The following ACOXL variants were observed in gnomAD, a reference collection of about 807,000 sequenced individuals.
The protein encoded by ACOXL is acyl-CoA oxidase like, also known as acyl-coenzyme A oxidase-like protein.
ACOXL carries 70 observed loss-of-function variants against 71.9 expected under a neutral mutation model. That is an observed-to-expected ratio of 0.97 (90% CI 0.80 to 1.19). The LOEUF (loss-of-function observed/expected upper bound fraction) is 1.19, where lower values mean the gene tolerates loss of function less well. Ranked by LOEUF, ACOXL falls within the 50% of genes most tolerant of loss-of-function variation. The pLI, the probability that ACOXL is intolerant of heterozygous loss-of-function variation, is 0.00. For synonymous variants in ACOXL, 253 were observed against 281.6 expected, an observed-to-expected ratio of 0.90 and a Z score of 1.02; for missense variants, 703 against 736.3, an observed-to-expected ratio of 0.95 and a Z score of 0.52.
chr2:111,098,372 C>T (rs1182871956), intron 17 of ACOXL: 1 of 152,180 alleles, frequency 6.6e-6, no homozygotes, highest in Non-Finnish European at 1.5e-5. Context: ...TGAATTTGTA[C>T]TGGGCCACAT....
At chr2:111,056,531 G>A (rs1486822245) in intron 16 of ACOXL, among the ~76,000 whole-genome samples, 1 of 152,042 alleles carries the variant, frequency 6.6e-6, no homozygotes, top group Non-Finnish European at 1.5e-5. Context: ...GCTCACGCCT[G>A]TAATCCCAGC....
chr2:111,075,289 G>A (rs1263882320), intron 16 of ACOXL, among the ~76,000 whole-genome samples: 1 of 151,994 alleles, frequency 6.6e-6, no homozygotes, highest in Non-Finnish European at 1.5e-5. Flanking sequence ...GATGATTCTT[G>A]TTATGTATTT....
intron 5 of ACOXL, 45 bp downstream of exon 5, chr2:110,794,219 C>G: frequency 6.4e-7 from 1 of 1,569,220 alleles, no homozygotes; most frequent in Non-Finnish European, 8.8e-7. Flanking sequence ...AGCTGGAAAC[C>G]TGGACAGAAA....
At chr2:110,963,225 G>A (rs1484134498) in intron 12 of ACOXL, among the ~76,000 whole-genome samples, 1 of 152,010 alleles carries the variant, frequency 6.6e-6, no homozygotes, top group Non-Finnish European at 1.5e-5. Flanking sequence ...ATTTTCAGAA[G>A]GGTTGCTGGG....
Position 110,782,870 on chromosome 2 carries a change from G to T in ACOXL, c.76-1862G>T, listed in dbSNP as rs146829145. ...GCATCAAGGAAGGGTTTGTTGTGAT[G>T]ATTCCAGAGAGGGTGACTCTCAGGA... On this transcript the variant is annotated intron_variant, in intron 2 of 17. Coordinates refer to ENST00000439055, the MANE Select transcript of ACOXL (RefSeq NM_001142807.4). Among the ~76,000 whole-genome samples, 10 of 152,302 alleles carry T rather than the reference G, an allele frequency of 6.6e-5. No individual in the cohort carries two copies. In the East Asian group the frequency reaches 1.9e-3, roughly 29 times the overall value.
rs1261194401 is a variant in ACOXL, at chr2:111,117,851, G to C, written c.*35G>C. Reference sequence around the variant, plus strand: ...CGGGAAGTGTGGTGGCCCGCCAGCAGCTGCCACGACGCTCGCTCCACCGAC... The same window carrying C: ...CGGGAAGTGTGGTGGCCCGCCAGCACCTGCCACGACGCTCGCTCCACCGAC... On this transcript the variant is annotated 3_prime_UTR_variant, in exon 18 of 18. Transcript: ENST00000439055. The C allele has an allele frequency of 2.6e-6, 4 of 1,531,894 alleles. No homozygotes were observed. The highest frequency in any genetic ancestry group is 3.5e-6 in the Non-Finnish European group (4 of 1,140,148). The allele number at this position is 1,531,894 out of a possible 1,614,324, so 94.9% of individuals were successfully genotyped here. A position where few individuals can be genotyped will look rare whatever the true frequency, so the allele number is the denominator to read the frequency against.
At chr2:110,995,340 A>C (rs1044555339) in intron 13 of ACOXL, among the ~76,000 whole-genome samples, 12 of 151,290 alleles carry the variant, frequency 7.9e-5, no homozygotes, top group African/African-American at 2.2e-4. Context: ...TCTCTACTAA[A>C]AATACAAAAA....
chr2:111,013,239 TG>T (rs1179619684), intron 14 of ACOXL, among the ~76,000 whole-genome samples: 2 of 151,592 alleles, frequency 1.3e-5, no homozygotes, highest in Non-Finnish European at 2.9e-5. Context: ...ACAAAAAAAA[TG>T]GGGGCCAGGT....
chr2:110,799,543 C>T (rs982363295), intron 7 of ACOXL, among the ~76,000 whole-genome samples: 2 of 152,104 alleles, frequency 1.3e-5, no homozygotes, highest in Non-Finnish European at 2.9e-5. Flanking sequence ...AACTGTGGGG[C>T]TTAAACAACA....
At chr2:111,108,817 T>C (rs529462186) in intron 17 of ACOXL, among the ~76,000 whole-genome samples, 1 of 152,246 alleles carries the variant, frequency 6.6e-6, no homozygotes, top group African/African-American at 2.4e-5. Context: ...TTCCTCACCC[T>C]GACCCCTGAG....
chr2:110,742,674 CTTGGG>C lies in ACOXL; in HGVS notation c.-23+9901_-23+9905del, dbSNP rs1338808006. Among the ~76,000 whole-genome samples the C allele has an allele frequency of 1.3e-4, 20 of 152,272 alleles. No individual in the cohort carries two copies. In the South Asian group the frequency reaches 4.1e-3, roughly 32 times the overall value. On this transcript the variant is annotated intron_variant, in intron 1 of 17. Coordinates refer to ENST00000439055, the MANE Select transcript of ACOXL (RefSeq NM_001142807.4). The stretch of plus-strand genomic sequence containing the variant: ...AGTTTTCTTTTCTATCACACCAAGG[CTTGGG>C]GCTTTCCTGAACTCTCAATAGTAAT...
chr2:111,021,944 G>A (rs959099479), intron 14 of ACOXL, among the ~76,000 whole-genome samples: 1 of 151,942 alleles, frequency 6.6e-6, no homozygotes, highest in Non-Finnish European at 1.5e-5. Context: ...AAATATAGAA[G>A]AGTAAAAAAG....
intron 9 of ACOXL, among the ~76,000 whole-genome samples, chr2:110,811,727 GCATACACACACACACA>G (rs1442884424): frequency 0.019 from 547 of 29,320 alleles, 3 homozygotes; most frequent in East Asian, 0.05. Context: ...TGTTTTTTTT[GCATACACACACACACA>G]CACACACACA....
At chr2:110,825,671 G>A (rs1689083181) in intron 9 of ACOXL, among the ~76,000 whole-genome samples, 1 of 152,056 alleles carries the variant, frequency 6.6e-6, no homozygotes, top group East Asian at 1.9e-4. Flanking sequence ...TCCACTATAA[G>A]CAGACCCCTC....
intron 1 of ACOXL, among the ~76,000 whole-genome samples, chr2:110,752,545 G>A (rs372582613): frequency 6.6e-6 from 1 of 151,150 alleles, no homozygotes; most frequent in Admixed American, 6.6e-5. Context: ...TAGTGATTGA[G>A]GGGGATCTTG....
intron 14 of ACOXL, among the ~76,000 whole-genome samples, chr2:111,014,429 A>AT (rs1342122486): frequency 6.6e-6 from 1 of 152,242 alleles, no homozygotes; most frequent in Non-Finnish European, 1.5e-5. Flanking sequence ...AAAACATGCA[A>AT]TATCTGTACA....
chr2:111,030,748 A>T (rs1321459122), intron 14 of ACOXL, among the ~76,000 whole-genome samples: 2 of 152,134 alleles, frequency 1.3e-5, no homozygotes, highest in Non-Finnish European at 2.9e-5. Context: ...AAAAATGCTA[A>T]AAGTTTAAGT....
chr2:110,963,605 T>G lies in ACOXL; in HGVS notation c.1060-23503T>G, dbSNP rs201771195. The stretch of plus-strand genomic sequence containing the variant: ...TGTGTGTGTGTGTGTGTGTGTGTGT[T>G]TTTCTCTTTCTGCAACAGGGTTACA... On this transcript the variant is annotated intron_variant, in intron 12 of 17. Transcript: ENST00000439055. The G allele has an allele frequency of 9.9e-5, 158 of 1,590,562 alleles. 1 individual carries two copies. Among genetic ancestry groups the G allele is most frequent in the East Asian group, 3.8e-4 (15 of 39,120 alleles).
At chr2:110,974,061 C>T (rs1421363247) in intron 12 of ACOXL, among the ~76,000 whole-genome samples, 7 of 152,210 alleles carry the variant, frequency 4.6e-5, no homozygotes. Flanking sequence ...GATGCCTCCA[C>T]AGTGATGGGA....
Sources: gnomAD v4.1 joint callset for allele counts (sites outside exome capture counted in the v4.1 genomes callset) on GRCh38, gnomAD v4.1.1 for gene constraint, MANE v1.5 for transcripts, NCBI Gene and HGNC (gene_info 2026-07-23, HGNC 2026-07-21) for gene names.